Variants in SLC37A3 observed in about 807,000 individuals in gnomAD.
SLC37A3 encodes the protein solute carrier family 37 member 3.
A neutral mutation model predicts 67.1 loss-of-function variants in SLC37A3; 51 were observed. That is an observed-to-expected ratio of 0.76 (90% CI 0.61 to 0.96). The LOEUF (loss-of-function observed/expected upper bound fraction) is 0.96, where lower values mean the gene tolerates loss of function less well. Ranked by LOEUF, SLC37A3 falls within the 40% of genes least tolerant of loss-of-function variation. The pLI is 0.00. For synonymous variants in SLC37A3, 214 were observed against 231.4 expected (o/e 0.92, Z 0.68); for missense variants, 508 against 603.0 (o/e 0.84, Z 1.65).
At chr7:140,353,865 C>A (rs1462785724) in intron 7 of SLC37A3, among the ~76,000 whole-genome samples, 1 of 152,036 alleles carries the variant, frequency 6.6e-6, no homozygotes, top group Non-Finnish European at 1.5e-5. Context: ...GTGCCCGTGA[C>A]CACGCCCGGC....
At chr7:140,380,149 C>T (rs2129787915) in intron 3 of SLC37A3, 133 bp downstream of exon 3, 2 of 508,568 alleles carry the variant, frequency 3.9e-6, no homozygotes, top group Middle Eastern at 3.0e-4. Context: ...AATAGTTTGG[C>T]TCTTATGTGA....
chr7:140,336,856 T>A (rs916751855), intron 14 of SLC37A3, among the ~76,000 whole-genome samples: 6 of 150,608 alleles, frequency 4.0e-5, no homozygotes, highest in Admixed American at 2.0e-4. Flanking sequence ...CCCAGCACTT[T>A]GGGAGGCCGA....
intron 5 of SLC37A3, among the ~76,000 whole-genome samples, chr7:140,364,143 C>A (rs1240605766): frequency 6.6e-6 from 1 of 152,000 alleles, no homozygotes; most frequent in African/African-American, 2.4e-5. Context: ...CCCAGCTGCT[C>A]AGGAGGCTGA....
chr7:140,355,069 T>C (rs1444200513), intron 7 of SLC37A3, among the ~76,000 whole-genome samples: 1 of 151,726 alleles, frequency 6.6e-6, no homozygotes, highest in African/African-American at 2.4e-5. Context: ...ATCTGTAACA[T>C]GAGTTGCAAA....
chr7:140,337,563 GA>G (rs1796192826), intron 13 of SLC37A3: 1 of 392,048 alleles, frequency 2.6e-6, no homozygotes, highest in South Asian at 8.5e-5. Context: ...CCGTATAATA[GA>G]AGTTGTCAGT....
intron 4 of SLC37A3, among the ~76,000 whole-genome samples, chr7:140,367,951 C>G (rs1288067126): frequency 2.0e-5 from 3 of 151,848 alleles, no homozygotes; most frequent in African/African-American, 7.3e-5. Context: ...TCCCAAGTAG[C>G]TGGGACTACA....
chr7:140,382,363 G>C (rs528016689), intron 2 of SLC37A3, 75 bp downstream of exon 2: 1 of 1,228,968 alleles, frequency 8.1e-7, no homozygotes, highest in African/African-American at 1.5e-5. Context: ...CAGTGCATTT[G>C]ACACTTGCCA....
In SLC37A3 at chr7:140,382,563, G is replaced by A. The variant is rs6968618; in HGVS notation, c.-37C>T. Reference sequence around the variant, plus strand: ...CCTTCCTTCTCACCTTTGACCTTAAGGTTTGGATGAGTGATTTACATCATT... The same window carrying A: ...CCTTCCTTCTCACCTTTGACCTTAAAGTTTGGATGAGTGATTTACATCATT... On this transcript the variant is annotated 5_prime_UTR_variant, in exon 2 of 15. Coordinates refer to ENST00000326232, the MANE Select transcript of SLC37A3 (RefSeq NM_207113.3). The A allele has an allele frequency of 0.72, 1,146,449 of 1,588,594 alleles. 414,825 individuals carry two copies. Among genetic ancestry groups the A allele is most frequent in the East Asian group, 0.83 (37,209 of 44,730 alleles).
chr7:140,351,933 T>G (rs1796819907), intron 8 of SLC37A3, 129 bp downstream of exon 8: 6 of 923,618 alleles, frequency 6.5e-6, no homozygotes, highest in Non-Finnish European at 1.0e-5. Context: ...GGCAGTACTG[T>G]TCTCCTTTCA....
chr7:140,356,632 G>A (rs6464705), intron 6 of SLC37A3, among the ~76,000 whole-genome samples: 19,603 of 152,124 alleles, frequency 0.13, 1,500 homozygotes, highest in African/African-American at 0.2. Context: ...GCAGTGAGCC[G>A]AGATCGCACC....
At chr7:140,351,688 CTGTATTTAACTACAGG>C in intron 8 of SLC37A3, 1 of 571,180 alleles carries the variant, frequency 1.8e-6, no homozygotes, top group African/African-American at 1.9e-5. Context: ...TGTATGTAAT[CTGTATTTAACTACAGG>C]TTAAGTATCT....
At chr7:140,355,800 G>A (rs1461503353) in intron 6 of SLC37A3, 36 bp from the exon 7 acceptor site, 2 of 1,567,824 alleles carry the variant, frequency 1.3e-6, no homozygotes, top group African/African-American at 1.3e-5. Context: ...AAGGGCCATG[G>A]TCAGAAGAGA....
intron 6 of SLC37A3, among the ~76,000 whole-genome samples, chr7:140,357,471 C>A (rs1414737224): frequency 6.6e-6 from 1 of 151,672 alleles, no homozygotes; most frequent in African/African-American, 2.4e-5. Context: ...GTGGCTCATG[C>A]CTATATTCCC....
At chr7:140,382,856 A>C (rs766465867) in intron 1 of SLC37A3, among the ~76,000 whole-genome samples, 1 of 152,112 alleles carries the variant, frequency 6.6e-6, no homozygotes, top group Non-Finnish European at 1.5e-5. Flanking sequence ...ACTCATTCTT[A>C]TAGAAAAAAT....
At chr7:140,361,536 T>TCC (rs1797289260) in intron 5 of SLC37A3, among the ~76,000 whole-genome samples, 78 of 65,170 alleles carry the variant, frequency 1.2e-3, no homozygotes, top group Non-Finnish European at 1.3e-3. Context: ...TCCCCCTCCC[T>TCC]CTCTCCCTCT....
chr7:140,348,014 T>C (rs572320652), intron 10 of SLC37A3, among the ~76,000 whole-genome samples: 19 of 152,122 alleles, frequency 1.2e-4, no homozygotes, highest in Non-Finnish European at 1.9e-4. Flanking sequence ...AATTTATAAG[T>C]TGGGCACAGA....
Position 140,334,466 on chromosome 7 carries a change from C to T in SLC37A3, c.*946G>A, listed in dbSNP as rs546463337. On this transcript the variant is annotated 3_prime_UTR_variant, in exon 15 of 15. Coordinates refer to ENST00000326232, the MANE Select transcript of SLC37A3 (RefSeq NM_207113.3). ...TCTTTCCCTTTTCTCTAATTCTAGT[C>T]TTCTGCTGAGGTAACTCCAGGAAGC... 1 of 152,700 alleles carries T rather than the reference C, an allele frequency of 6.5e-6. No homozygotes were observed. Among genetic ancestry groups the T allele is most frequent in the African/African-American group, 2.4e-5 (1 of 41,562 alleles). The allele number at this position is 152,700 out of a possible 1,614,324, so 9.5% of individuals were successfully genotyped here.
At chr7:140,375,429 A>G (rs1226048700) in intron 3 of SLC37A3, among the ~76,000 whole-genome samples, 1 of 149,430 alleles carries the variant, frequency 6.7e-6, no homozygotes. Flanking sequence ...GAGCTGAGAT[A>G]GCGCCATTGC....
Position 140,336,865 on chromosome 7 carries a change from G to A in SLC37A3, c.1392+419C>T, listed in dbSNP as rs561736609. On this transcript the variant is annotated intron_variant, in intron 14 of 14. Transcript: ENST00000326232. ...TGTAATCCCAGCACTTTGGGAGGCC[G>A]AGTCGGGTGGATCACCTGAGGTCAG... 4.0e-5 allele frequency among the ~76,000 whole-genome samples: 6 copies of A among 150,136 alleles called. No homozygotes were observed. The East Asian group carries it at 9.7e-4, about 24-fold the overall frequency.
Sources: gnomAD v4.1 joint callset for allele counts (sites outside exome capture counted in the v4.1 genomes callset) on GRCh38, gnomAD v4.1.1 for gene constraint, MANE v1.5 for transcripts, NCBI Gene and HGNC (gene_info 2026-07-23, HGNC 2026-07-21) for gene names.